TMC1: variants seen among roughly 807,000 people sequenced by gnomAD.
TMC1 encodes transmembrane channel like 1, also known as transmembrane channel-like protein 1.
TMC1 carries 84 observed loss-of-function variants against 105.8 expected under a neutral mutation model. That is an observed-to-expected ratio of 0.79 (90% CI 0.67 to 0.95). The LOEUF (loss-of-function observed/expected upper bound fraction) is 0.95. Ranked by LOEUF, TMC1 falls within the 40% of genes least tolerant of loss-of-function variation. The pLI, the probability that TMC1 is intolerant of heterozygous loss-of-function variation, is 0.00. For missense variants in TMC1, 817 were observed against 914.1 expected (o/e 0.89, Z 1.37); for synonymous variants, 315 against 311.5 (o/e 1.01, Z -0.12).
Position 72,836,297 on chromosome 9 carries a change from G to A in TMC1, c.*324G>A, listed in dbSNP as rs578244121. 6.6e-6 allele frequency: 2 copies of A among 303,028 alleles called. No individual in the cohort carries two copies. Among genetic ancestry groups the A allele is most frequent in the South Asian group, 1.7e-4 (2 of 11,864 alleles). 18.8% of individuals were successfully genotyped at this position (303,028 alleles called of 1,614,324 possible). Reference sequence around the variant, plus strand: ...TACAGTTTACTGGTTTAGTTGGTGGGTTAATTAAAAAAAATTTGCTCATAT... The same window carrying A: ...TACAGTTTACTGGTTTAGTTGGTGGATTAATTAAAAAAAATTTGCTCATAT... On this transcript the variant is annotated 3_prime_UTR_variant, in exon 24 of 24. Coordinates refer to ENST00000297784, the MANE Select transcript of TMC1 (RefSeq NM_138691.3).
chr9:72,809,643 T>A (rs1271172259), intron 18 of TMC1, among the ~76,000 whole-genome samples: 1 of 152,198 alleles, frequency 6.6e-6, no homozygotes, highest in Non-Finnish European at 1.5e-5. Context: ...TAATGGATAT[T>A]TTTGTTTGGT....
intron 1 of TMC1, among the ~76,000 whole-genome samples, chr9:72,557,560 A>G (rs1413382191): frequency 3.9e-5 from 6 of 152,218 alleles, no homozygotes; most frequent in Non-Finnish European, 7.3e-5. Flanking sequence ...ATTCTTAAGA[A>G]CTGAAAGGCA....
intron 2 of TMC1, among the ~76,000 whole-genome samples, chr9:72,583,507 A>G (rs1020405863): frequency 1.3e-5 from 2 of 152,198 alleles, no homozygotes; most frequent in Non-Finnish European, 2.9e-5. Context: ...CAAAATCCCA[A>G]CTGAGACTCA....
At chr9:72,824,233 G>T (rs983362798) in intron 20 of TMC1, among the ~76,000 whole-genome samples, 1 of 152,332 alleles carries the variant, frequency 6.6e-6, no homozygotes, top group African/African-American at 2.4e-5. Flanking sequence ...AGCCCCAGAG[G>T]GGGTGTTACA....
At chr9:72,526,092 T>G (rs914219066) in intron 1 of TMC1, among the ~76,000 whole-genome samples, 3 of 152,178 alleles carry the variant, frequency 2.0e-5, no homozygotes, top group Non-Finnish European at 2.9e-5. Context: ...ACCAGCCCCT[T>G]GCTTTGGGGG....
intron 2 of TMC1, among the ~76,000 whole-genome samples, chr9:72,613,337 G>C (rs970552507): frequency 5.3e-5 from 8 of 151,982 alleles, no homozygotes; most frequent in Admixed American, 5.2e-4. Flanking sequence ...TGTTGGCCAG[G>C]CTGGTCTTCA....
At chr9:72,582,734 T>C (rs1302652772) in intron 2 of TMC1, among the ~76,000 whole-genome samples, 2 of 152,224 alleles carry the variant, frequency 1.3e-5, no homozygotes, top group African/African-American at 4.8e-5. Context: ...GTAAGACTTT[T>C]TGAGAAAAGA....
At chr9:72,667,878 A>G (rs1456364396) in intron 5 of TMC1, among the ~76,000 whole-genome samples, 2 of 152,144 alleles carry the variant, frequency 1.3e-5, no homozygotes, top group African/African-American at 2.4e-5. Context: ...ACCTCTTTAC[A>G]TCTAGAGACT....
chr9:72,567,647 G>A (rs1430472877), intron 1 of TMC1, among the ~76,000 whole-genome samples: 2 of 152,052 alleles, frequency 1.3e-5, no homozygotes, highest in Admixed American at 1.3e-4. Context: ...ACAGCACGGG[G>A]GAAACCGCCC....
At chr9:72,774,142 A>C (rs1827972446) in intron 13 of TMC1, among the ~76,000 whole-genome samples, 1 of 152,210 alleles carries the variant, frequency 6.6e-6, no homozygotes, top group South Asian at 2.1e-4. Context: ...TCCCCAAAAC[A>C]AGGCAGTCAT....
intron 1 of TMC1, among the ~76,000 whole-genome samples, chr9:72,542,798 G>A: frequency 6.6e-6 from 1 of 151,932 alleles, no homozygotes; most frequent in African/African-American, 2.4e-5. Context: ...TTCTGCCTCA[G>A]CCTCCCGAGT....
At chr9:72,787,272 G>T (rs1404594795) in intron 13 of TMC1, among the ~76,000 whole-genome samples, 3 of 151,968 alleles carry the variant, frequency 2.0e-5, no homozygotes, top group African/African-American at 4.8e-5. Context: ...ATTTGCAAAG[G>T]GTAAAGTGGT....
chr9:72,563,324 A>T (rs1824090655), intron 1 of TMC1, among the ~76,000 whole-genome samples: 2 of 152,254 alleles, frequency 1.3e-5, no homozygotes, highest in East Asian at 1.9e-4. Context: ...TCAGCTTTAC[A>T]TTTCACTATG....
chr9:72,825,723 A>G (rs1828941388), intron 20 of TMC1, among the ~76,000 whole-genome samples: 1 of 152,204 alleles, frequency 6.6e-6, no homozygotes, highest in South Asian at 2.1e-4. Flanking sequence ...ATTGGGGGGT[A>G]TGAACAATTT....
chr9:72,549,815 T>C (rs1823831247), intron 1 of TMC1, among the ~76,000 whole-genome samples: 1 of 152,016 alleles, frequency 6.6e-6, no homozygotes, highest in South Asian at 2.1e-4. Flanking sequence ...GGTTTCATTA[T>C]GTTGGCCAGG....
chr9:72,641,446 C>T (rs1825625614), intron 4 of TMC1, among the ~76,000 whole-genome samples: 1 of 152,186 alleles, frequency 6.6e-6, no homozygotes. Flanking sequence ...AAAAACAGTC[C>T]TCTTCACTGT....
At position 72,700,626 on chromosome 9, in the gene TMC1, G is replaced by GAA; in HGVS notation, c.348_349dup (p.Ile117LysfsTer12). 6.2e-7 allele frequency: 1 copy of GAA among 1,600,416 alleles called. No individual in the cohort carries two copies. Among genetic ancestry groups the GAA allele is most frequent in the Non-Finnish European group, 8.5e-7 (1 of 1,171,584 alleles). On this transcript the variant is annotated frameshift_variant, in exon 8 of 24. Transcript: ENST00000297784. LOFTEE classifies it high-confidence loss of function. ...AATGCAAACCATGGAAGATGGAGAA[G>GAA]AAAATTGAAGTTCTCAAGTATGGTG... is the stretch of plus-strand genomic sequence containing the variant.
At chr9:72,760,708 A>G (rs1827742938) in intron 12 of TMC1, among the ~76,000 whole-genome samples, 1 of 152,152 alleles carries the variant, frequency 6.6e-6, no homozygotes, top group African/African-American at 2.4e-5. Flanking sequence ...AGCAGAATAG[A>G]TTTAAGATCT....
intron 8 of TMC1, among the ~76,000 whole-genome samples, chr9:72,708,701 C>T (rs567292309): frequency 1.3e-5 from 2 of 152,248 alleles, no homozygotes; most frequent in South Asian, 4.2e-4. Context: ...TATATGATCA[C>T]ATCATCAGCA....
Sources: gnomAD v4.1 joint callset for allele counts (sites outside exome capture counted in the v4.1 genomes callset) on GRCh38, gnomAD v4.1.1 for gene constraint, MANE v1.5 for transcripts, NCBI Gene and HGNC (gene_info 2026-07-23, HGNC 2026-07-21) for gene names.